Variants in FSTL4 observed in about 807,000 individuals in gnomAD.
FSTL4 encodes follistatin-related protein 4.
A neutral mutation model predicts 78.2 loss-of-function variants in FSTL4; 28 were observed. The ratio of observed to expected loss-of-function variants is 0.36; its 90% CI spans 0.27 to 0.49. The LOEUF (loss-of-function observed/expected upper bound fraction) is 0.49. Ranked by LOEUF, FSTL4 falls within the 20% of genes least tolerant of loss-of-function variation. FSTL4 has a pLI of 0.98. For missense variants in FSTL4, 922 were observed against 1,084.9 expected, an observed-to-expected ratio of 0.85 and a Z score of 2.11; for synonymous variants, 422 against 440.5, an observed-to-expected ratio of 0.96 and a Z score of 0.53.
At chr5:133,439,633 A>T (rs1757109816) in intron 3 of FSTL4, among the ~76,000 whole-genome samples, 1 of 152,156 alleles carries the variant, frequency 6.6e-6, no homozygotes, top group Non-Finnish European at 1.5e-5. Flanking sequence ...CTTGGGGCTG[A>T]TCTCTCCCTT....
chr5:133,712,948 G>A, the FSTL4 span, among the ~76,000 whole-genome samples: 3 of 152,194 alleles, frequency 2.0e-5, no homozygotes, highest in Admixed American at 6.5e-5. Context: ...AGATGAGCAC[G>A]TAAGAAGCTG....
chr5:133,455,967 C>G (rs1445781522), intron 3 of FSTL4, among the ~76,000 whole-genome samples: 1 of 152,202 alleles, frequency 6.6e-6, no homozygotes, highest in African/African-American at 2.4e-5. Context: ...GTCTGACAGT[C>G]GCCGAATACT....
chr5:133,813,294 AT>A, the FSTL4 span, among the ~76,000 whole-genome samples: 6 of 152,342 alleles, frequency 3.9e-5, no homozygotes, highest in East Asian at 1.2e-3. Flanking sequence ...AAATATTGCA[AT>A]TTTTCATTGC....
In FSTL4 at chr5:133,593,186, A is replaced by G. The variant is rs1031578462; in HGVS notation, c.126+10672T>C. 2.0e-5 allele frequency among the ~76,000 whole-genome samples: 3 copies of G among 152,116 alleles called. No individual in the cohort carries two copies. In the South Asian group the frequency reaches 6.2e-4, roughly 32 times the overall value. ...CTGCCCTGTGGGTGTCCAGAACCTC[A>G]ACAGCCCCTTTCTTCACCCTCTTTC... is the stretch of plus-strand genomic sequence containing the variant. On this transcript the variant is annotated intron_variant, in intron 2 of 15. Coordinates refer to ENST00000265342, the MANE Select transcript of FSTL4 (RefSeq NM_015082.2).
chr5:133,376,520 G>A (rs916841915), intron 4 of FSTL4, among the ~76,000 whole-genome samples: 2 of 151,986 alleles, frequency 1.3e-5, no homozygotes, highest in African/African-American at 4.8e-5. Flanking sequence ...AAATATAAAT[G>A]GTGAAATGAT....
chr5:133,749,848 G>A, the FSTL4 span, among the ~76,000 whole-genome samples: 110 of 152,336 alleles, frequency 7.2e-4, 3 homozygotes, highest in South Asian at 0.022. Flanking sequence ...CCTTAGAAAT[G>A]ACTTGAGTAG....
the FSTL4 span, among the ~76,000 whole-genome samples, chr5:133,740,154 G>A: frequency 1.6e-4 from 24 of 152,106 alleles, no homozygotes; most frequent in Non-Finnish European, 2.9e-4. Context: ...AAAGTGCTGG[G>A]ATTACAGGCA....
chr5:133,318,609 G>T (rs947450326), intron 4 of FSTL4, among the ~76,000 whole-genome samples: 3 of 152,192 alleles, frequency 2.0e-5, no homozygotes, highest in Non-Finnish European at 2.9e-5. Flanking sequence ...TTCCTGGAGT[G>T]GGGGGCATTT....
chr5:133,621,696 A>G, the FSTL4 span, among the ~76,000 whole-genome samples: 4 of 152,182 alleles, frequency 2.6e-5, no homozygotes, highest in African/African-American at 4.8e-5. Flanking sequence ...ACAAATCACC[A>G]CTAAAGAACT....
At chr5:133,731,376 C>A in the FSTL4 span, among the ~76,000 whole-genome samples, 2 of 152,128 alleles carry the variant, frequency 1.3e-5, no homozygotes, top group Non-Finnish European at 2.9e-5. Flanking sequence ...CATAAGAAAC[C>A]ACATCTCACA....
At chr5:133,759,831 T>TAAATG in the FSTL4 span, among the ~76,000 whole-genome samples, 2 of 152,236 alleles carry the variant, frequency 1.3e-5, no homozygotes, top group African/African-American at 2.4e-5. Context: ...TTCTACATTC[T>TAAATG]ATTGTAGATG....
intron 3 of FSTL4, among the ~76,000 whole-genome samples, chr5:133,408,848 C>T (rs554909225): frequency 6.6e-6 from 1 of 152,266 alleles, no homozygotes; most frequent in South Asian, 2.1e-4. Context: ...GAGAGCTAGG[C>T]ACTTAGTAAG....
At chr5:133,561,155 G>T (rs1405746854) in intron 3 of FSTL4, among the ~76,000 whole-genome samples, 4 of 148,918 alleles carry the variant, frequency 2.7e-5, no homozygotes, top group Non-Finnish European at 5.9e-5. Context: ...TCATGGAAAA[G>T]TCAATAGGCC....
At position 133,501,269 on chromosome 5, in the gene FSTL4, GAA is replaced by G. The variant is rs66468612; in HGVS notation, c.160+65915_160+65916del. Among the ~76,000 whole-genome samples, 1,212 of 149,450 alleles carry G rather than the reference GAA, an allele frequency of 8.1e-3. 18 individuals are homozygous for G. Among genetic ancestry groups the G allele is most frequent in the African/African-American group, 0.025 (1,015 of 40,818 alleles). ...TTTGTTATATGCCTTACAATTTTAA[GAA>G]AAAAAAAAAATAAAAAGCAAAAGCA... On this transcript the variant is annotated intron_variant, in intron 3 of 15. Coordinates refer to ENST00000265342, the MANE Select transcript of FSTL4 (RefSeq NM_015082.2).
chr5:133,567,706 A>G (rs1760057824), intron 2 of FSTL4, among the ~76,000 whole-genome samples: 1 of 152,236 alleles, frequency 6.6e-6, no homozygotes, highest in African/African-American at 2.4e-5. Context: ...GATTAAACAC[A>G]ATTTATAGTT....
the FSTL4 span, among the ~76,000 whole-genome samples, chr5:133,716,300 T>A: frequency 3.3e-5 from 5 of 152,188 alleles, no homozygotes; most frequent in Admixed American, 2.6e-4. Context: ...GGAAGAGTAG[T>A]GTTCATTCAT....
At chr5:133,728,475 G>A in the FSTL4 span, among the ~76,000 whole-genome samples, 3 of 152,168 alleles carry the variant, frequency 2.0e-5, no homozygotes, top group Non-Finnish European at 4.4e-5. Flanking sequence ...GGTAAATAAG[G>A]TCCATCCACC....
At chr5:133,262,223 C>T (rs1752547121) in intron 6 of FSTL4, among the ~76,000 whole-genome samples, 2 of 152,180 alleles carry the variant, frequency 1.3e-5, no homozygotes, top group South Asian at 4.1e-4. Context: ...GGCCGACTCA[C>T]TGCCCCAGCC....
At chr5:133,592,666 C>A (rs987276566) in intron 2 of FSTL4, among the ~76,000 whole-genome samples, 4 of 152,114 alleles carry the variant, frequency 2.6e-5, no homozygotes, top group African/African-American at 9.7e-5. Context: ...GCCATCCTTG[C>A]AGCAATGAGT....
Sources: allele counts gnomAD v4.1 joint callset (sites outside exome capture counted in the v4.1 genomes callset), GRCh38; gene constraint gnomAD v4.1.1; transcripts MANE v1.5; gene names NCBI Gene and HGNC (gene_info 2026-07-23, HGNC 2026-07-21).